MON2: variants seen among roughly 807,000 people sequenced by gnomAD.
MON2 encodes protein MON2 homolog.
Under a neutral mutation model 208.6 loss-of-function variants are expected in MON2, and 84 were observed. The ratio of observed to expected loss-of-function variants is 0.40; its 90% CI spans 0.34 to 0.48. The LOEUF (loss-of-function observed/expected upper bound fraction) is 0.48. Among genes scored for constraint, MON2 ranks in the 20% least tolerant of loss-of-function variants. The probability of loss-of-function intolerance (pLI) is 0.59; values close to 1 mark genes in which losing one functional copy is unlikely to be tolerated. For missense variants in MON2, 1,611 were observed against 2,015.4 expected (o/e 0.80, Z 3.84); for synonymous variants, 660 against 694.0 (o/e 0.95, Z 0.77).
intron 7 of MON2, among the ~76,000 whole-genome samples, chr12:62,507,871 T>C (rs1047826723): frequency 6.6e-6 from 1 of 152,004 alleles, no homozygotes. Flanking sequence ...TGGGTTCAAG[T>C]GTTCCTTCCA....
chr12:62,518,345 A>G (rs1344683161), intron 8 of MON2, among the ~76,000 whole-genome samples: 1 of 152,202 alleles, frequency 6.6e-6, no homozygotes, highest in Non-Finnish European at 1.5e-5. Flanking sequence ...CTACAGCCCT[A>G]TGAAGCAGAC....
intron 21 of MON2, chr12:62,545,791 G>C (rs2073457146): frequency 2.0e-5 from 3 of 152,168 alleles, no homozygotes; most frequent in African/African-American, 7.2e-5. Flanking sequence ...CCTGGAATAA[G>C]ATGATGAACA....
At chr12:62,525,881 G>A in intron 10 of MON2, 68 bp from the exon 11 acceptor site, 1 of 1,476,384 alleles carries the variant, frequency 6.8e-7, no homozygotes, top group South Asian at 1.2e-5. Context: ...CCAGGTGTTT[G>A]ACTATTACTG....
At position 62,565,284 on chromosome 12, in the gene MON2, A is replaced by G. The variant is rs780129721; in HGVS notation, c.4080A>G (p.Ile1360Met). ...ACATGCAGATAATGTATCCAGCTATATTTGACCAGTTGTTGGCATTTGTAG... is the reference window on the plus strand; with the variant it reads ...ACATGCAGATAATGTATCCAGCTATGTTTGACCAGTTGTTGGCATTTGTAG... Reference protein sequence around the residue: ...PENMQIMYPAIFDQLLAFVEF... With the variant: ...PENMQIMYPAMFDQLLAFVEF... The change falls in exon 27 of 35, where the codon ATA (isoleucine) becomes ATG (methionine). Residue 1360 changes from isoleucine to methionine, a missense_variant. Ile to Met is a conservative substitution (Grantham distance 10, BLOSUM62 1). Transcript: ENST00000393630. 1 of 1,613,252 alleles carries G rather than the reference A, an allele frequency of 6.2e-7. No homozygotes were observed. The highest frequency in any genetic ancestry group is 1.7e-5 in the Admixed American group (1 of 59,982).
In MON2 at chr12:62,525,169, T is replaced by A; in HGVS notation, c.1195T>A (p.Ser399Thr). The stretch of plus-strand genomic sequence containing the variant: ...AAATGCACTGGGATCTTTTATACAG[T>A]CCTTGTTTCTTGTCCCCCCTACTGG... ...IVNALGSFIQ[S>T]LFLVPPTGNP... Residue 399 changes from serine (S) to threonine (T), a missense_variant, in exon 10 of 35, where the codon TCC becomes ACC. Coordinates refer to ENST00000393630, the MANE Select transcript of MON2 (RefSeq NM_015026.3). 2 of 1,613,212 alleles carry A rather than the reference T, an allele frequency of 1.2e-6. No individual in the cohort carries two copies. Among genetic ancestry groups the A allele is most frequent in the Non-Finnish European group, 8.5e-7 (1 of 1,179,266 alleles).
At chr12:62,496,195 A>G (rs2070476762) in intron 4 of MON2, among the ~76,000 whole-genome samples, 1 of 152,016 alleles carries the variant, frequency 6.6e-6, no homozygotes, top group Non-Finnish European at 1.5e-5. Flanking sequence ...TATGAGCTAT[A>G]TAAATATTAT....
At chr12:62,485,500 G>A (rs574295967) in intron 2 of MON2, among the ~76,000 whole-genome samples, 12 of 152,262 alleles carry the variant, frequency 7.9e-5, no homozygotes, top group Admixed American at 1.3e-4. Context: ...TAGCATAAGC[G>A]CTCCTCAATT....
At chr12:62,506,344 C>G (rs915708038) in intron 7 of MON2, among the ~76,000 whole-genome samples, 8 of 152,148 alleles carry the variant, frequency 5.3e-5, no homozygotes, top group Non-Finnish European at 1.0e-4. Flanking sequence ...GTAACAATGA[C>G]TAGTCCACTT....
At chr12:62,590,169 C>T (rs889307853) in intron 34 of MON2, among the ~76,000 whole-genome samples, 7 of 152,034 alleles carry the variant, frequency 4.6e-5, no homozygotes, top group African/African-American at 4.8e-5. Flanking sequence ...GTGCTTACTG[C>T]GGCGTTGACC....
intron 34 of MON2, among the ~76,000 whole-genome samples, chr12:62,590,946 C>T (rs1030066080): frequency 7.9e-5 from 12 of 152,224 alleles, no homozygotes; most frequent in Admixed American, 2.6e-4. Context: ...TGAGCCACCA[C>T]GCCAGCCTAA....
intron 24 of MON2, among the ~76,000 whole-genome samples, chr12:62,553,810 A>G (rs1474799829): frequency 2.0e-5 from 3 of 152,200 alleles, no homozygotes; most frequent in African/African-American, 7.2e-5. Context: ...CATCTGTTCC[A>G]TTATAATAAA....
intron 27 of MON2, 45 bp downstream of exon 27, chr12:62,565,425 T>TATAA (rs2074343958): frequency 6.7e-7 from 1 of 1,496,896 alleles, no homozygotes; most frequent in Non-Finnish European, 9.1e-7. Flanking sequence ...TTTCATGGCT[T>TATAA]ATAAATACAG....
At chr12:62,532,133 TGTCA>T (rs2072682313) in intron 11 of MON2, among the ~76,000 whole-genome samples, 1 of 152,272 alleles carries the variant, frequency 6.6e-6, no homozygotes, top group Admixed American at 6.5e-5. Context: ...GTATTTTGCA[TGTCA>T]GTCTTAATTT....
At chr12:62,585,571 G>GA in intron 33 of MON2, 70 bp downstream of exon 33, 1 of 1,248,340 alleles carries the variant, frequency 8.0e-7, no homozygotes, top group South Asian at 1.6e-5. Flanking sequence ...GGAAAACTCT[G>GA]AAAAGCAAGT....
At position 62,515,917 on chromosome 12, in the gene MON2, T is replaced by C. The variant is rs186611420; in HGVS notation, c.984+7437T>C. Among the ~76,000 whole-genome samples the C allele has an allele frequency of 1.2e-3, 189 of 152,342 alleles. 1 individual carries two copies. The highest frequency in any genetic ancestry group is 3.4e-3 in the Middle Eastern group (1 of 294). On this transcript the variant is annotated intron_variant, in intron 8 of 34. Transcript: ENST00000393630. Reference sequence around the variant, plus strand: ...AATATTGTTGGGGTTTTATATTGTATGGTTTTACCACAATTAAATATTTTT... The same window carrying C: ...AATATTGTTGGGGTTTTATATTGTACGGTTTTACCACAATTAAATATTTTT...
At chr12:62,531,100 A>G (rs2072616124) in intron 11 of MON2, among the ~76,000 whole-genome samples, 1 of 152,108 alleles carries the variant, frequency 6.6e-6, no homozygotes, top group Non-Finnish European at 1.5e-5. Context: ...TAATTTTAAG[A>G]GTTATATATT....
rs189307276 is a variant in MON2, at chr12:62,583,747, G to A, written c.4700-1547G>A. Among the ~76,000 whole-genome samples the A allele has an allele frequency of 1.9e-4, 28 of 150,698 alleles. No individual in the cohort carries two copies. The East Asian group carries it at 3.1e-3, about 17-fold the overall frequency. On this transcript the variant is annotated intron_variant, in intron 32 of 34. Transcript: ENST00000393630. ...GTGGATCACTTGAAGTCAAGAGTTC[G>A]AGACTGTCCTGGCCAACACAGTGAA...
intron 23 of MON2, 49 bp downstream of exon 23, chr12:62,549,879 A>G (rs762048320): frequency 7.8e-7 from 1 of 1,283,326 alleles, no homozygotes; most frequent in Admixed American, 2.6e-5. Context: ...AATCATTGTT[A>G]TTCAGTTGGG....
intron 15 of MON2, among the ~76,000 whole-genome samples, 158 bp from the exon 16 acceptor site, chr12:62,537,444 A>G (rs556268599): frequency 2.3e-4 from 35 of 152,346 alleles, no homozygotes; most frequent in Non-Finnish European, 4.7e-4. Context: ...TGATAATACA[A>G]CTTTTAATCA....
Sources: gnomAD v4.1 joint callset for allele counts (sites outside exome capture counted in the v4.1 genomes callset) on GRCh38, gnomAD v4.1.1 for gene constraint, MANE v1.5 for transcripts, NCBI Gene and HGNC (gene_info 2026-07-23, HGNC 2026-07-21) for gene names.